The following SAMD5 variants were observed in gnomAD, a reference collection of about 807,000 sequenced individuals.
SAMD5 encodes sterile alpha motif domain-containing protein 5.
In SAMD5, 13 loss-of-function variants were observed where a neutral mutation model predicts 11.3. That is an observed-to-expected ratio of 1.15 (90% CI 0.75 to 1.83). The LOEUF is 1.83. Ranked by LOEUF, SAMD5 falls within the 40% of genes most tolerant of loss-of-function variation. The pLI is 0.00. For synonymous variants in SAMD5, 129 were observed against 111.3 expected (o/e 1.16, Z -1.00); for missense variants, 255 against 239.1 (o/e 1.07, Z -0.44).
At chr6:147,532,001 A>T (rs1393961077) in intron 1 of SAMD5, among the ~76,000 whole-genome samples, 4 of 152,184 alleles carry the variant, frequency 2.6e-5, no homozygotes, top group Admixed American at 2.6e-4. Context: ...ATAGAATAGG[A>T]TCACAAAAGA....
chr6:147,738,518 A>G (rs1310415723), downstream of SAMD5, among the ~76,000 whole-genome samples: 2 of 152,220 alleles, frequency 1.3e-5, no homozygotes, highest in African/African-American at 4.8e-5. Flanking sequence ...ATGTTTTCAA[A>G]TGCATGTTGA....
chr6:147,804,312 A>G, the SAMD5 span, among the ~76,000 whole-genome samples: 1 of 151,664 alleles, frequency 6.6e-6, no homozygotes, highest in Admixed American at 6.6e-5. Context: ...GGGTTTCACC[A>G]TGTTGGCCAG....
At chr6:147,811,566 G>T in the SAMD5 span, among the ~76,000 whole-genome samples, 1 of 152,052 alleles carries the variant, frequency 6.6e-6, no homozygotes, top group East Asian at 1.9e-4. Flanking sequence ...GGCTTCCAGG[G>T]CACAACAAGG....
intron 1 of SAMD5, among the ~76,000 whole-genome samples, chr6:147,702,197 T>C (rs965128021): frequency 3.9e-5 from 6 of 152,154 alleles, no homozygotes; most frequent in African/African-American, 1.2e-4. Context: ...GTGAGACTTA[T>C]TCACTGTCAT....
chr6:147,593,594 C>A (rs1433634719), intron 1 of SAMD5, among the ~76,000 whole-genome samples: 1 of 152,188 alleles, frequency 6.6e-6, no homozygotes, highest in African/African-American at 2.4e-5. Context: ...TGCCTGAATG[C>A]AGCGTTTTTC....
At chr6:147,857,643 A>ATGCC in the SAMD5 span, among the ~76,000 whole-genome samples, 1 of 152,132 alleles carries the variant, frequency 6.6e-6, no homozygotes, top group African/African-American at 2.4e-5. Context: ...TCATGTATGT[A>ATGCC]TGCCTGTAAA....
rs553820746 is a variant in SAMD5, at chr6:147,567,155, T to C, written c.*2699T>C. On this transcript the variant is annotated 3_prime_UTR_variant, in exon 2 of 2. Coordinates refer to ENST00000367474, the MANE Select transcript of SAMD5 (RefSeq NM_001030060.3). ...TTAGGGAGGTAAAAAAAGATTTTAT[T>C]CACATAAAAGATTTCTTGGCATAGG... 2 of 984,838 alleles carry C rather than the reference T, an allele frequency of 2.0e-6. No homozygotes were observed. Among genetic ancestry groups the C allele is most frequent in the Non-Finnish European group, 2.4e-6 (2 of 829,402 alleles). 61.0% of individuals were successfully genotyped at this position (984,838 alleles called of 1,614,324 possible). A position where few individuals can be genotyped will look rare whatever the true frequency, so the allele number is the denominator to read the frequency against.
chr6:147,516,155 C>T (rs953443313), intron 1 of SAMD5, among the ~76,000 whole-genome samples: 3 of 152,188 alleles, frequency 2.0e-5, no homozygotes, highest in African/African-American at 7.2e-5. Flanking sequence ...GTATTGTAGG[C>T]ATTCCTCAAA....
At chr6:147,758,242 G>A in the SAMD5 span, among the ~76,000 whole-genome samples, 4 of 152,206 alleles carry the variant, frequency 2.6e-5, no homozygotes, top group Non-Finnish European at 5.9e-5. Context: ...TTTAGCGACA[G>A]AAATTAATCA....
the SAMD5 span, among the ~76,000 whole-genome samples, chr6:147,846,985 A>G: frequency 0.11 from 17,443 of 152,220 alleles, 1,247 homozygotes; most frequent in East Asian, 0.35. Flanking sequence ...CTTACAAATC[A>G]TGAACTACTT....
At chr6:147,828,008 G>T in the SAMD5 span, among the ~76,000 whole-genome samples, 1 of 151,226 alleles carries the variant, frequency 6.6e-6, no homozygotes, top group African/African-American at 2.4e-5. Context: ...CCGTGGTCTC[G>T]ATCTCCTGAC....
chr6:147,835,886 G>A, the SAMD5 span, among the ~76,000 whole-genome samples: 170 of 152,104 alleles, frequency 1.1e-3, no homozygotes, highest in African/African-American at 3.8e-3. Flanking sequence ...GAGGCCTTTC[G>A]TCCCCATCAC....
the SAMD5 span, among the ~76,000 whole-genome samples, chr6:147,925,938 T>C: frequency 1.8e-4 from 28 of 152,290 alleles, no homozygotes; most frequent in East Asian, 4.6e-3. Flanking sequence ...GAAAATGCAG[T>C]ATTTGGGTTT....
the SAMD5 span, among the ~76,000 whole-genome samples, chr6:147,896,362 T>G: frequency 1.4e-4 from 21 of 145,154 alleles, no homozygotes; most frequent in Non-Finnish European, 2.9e-4. Flanking sequence ...GACTCTGAGC[T>G]GGGGCTGGGG....
At chr6:147,950,697 C>G in the SAMD5 span, among the ~76,000 whole-genome samples, 1,634 of 152,196 alleles carry the variant, frequency 0.011, 26 homozygotes, top group African/African-American at 0.038. Flanking sequence ...CTTAAGTTTC[C>G]TCACTGAATC....
At chr6:147,631,271 G>A (rs1790146786) in intron 1 of SAMD5, among the ~76,000 whole-genome samples, 1 of 152,152 alleles carries the variant, frequency 6.6e-6, no homozygotes, top group African/African-American at 2.4e-5. Context: ...ATAAGAGAAG[G>A]CGAAAAACAG....
At chr6:147,654,985 T>C (rs1944802) in intron 1 of SAMD5, among the ~76,000 whole-genome samples, 62,558 of 151,974 alleles carry the variant, frequency 0.41, 14,861 homozygotes, top group Middle Eastern at 0.54. Context: ...CCATGAGTGA[T>C]GATTCACCAC....
At chr6:147,878,823 C>G in the SAMD5 span, among the ~76,000 whole-genome samples, 1 of 151,796 alleles carries the variant, frequency 6.6e-6, no homozygotes, top group African/African-American at 2.4e-5. Flanking sequence ...GGCGCAATCT[C>G]GGCTCACTGC....
At chr6:147,923,612 G>C in the SAMD5 span, among the ~76,000 whole-genome samples, 2 of 152,326 alleles carry the variant, frequency 1.3e-5, no homozygotes, top group Non-Finnish European at 1.5e-5. Context: ...AAAACTGGTT[G>C]AGGGAGGTTC....
Sources: allele counts gnomAD v4.1 joint callset (sites outside exome capture counted in the v4.1 genomes callset), GRCh38; gene constraint gnomAD v4.1.1; transcripts MANE v1.5; gene names NCBI Gene and HGNC (gene_info 2026-07-23, HGNC 2026-07-21).